ASAP1: variants seen among roughly 807,000 people sequenced by gnomAD.
The protein encoded by ASAP1 is arf-GAP with SH3 domain, ANK repeat and PH domain-containing protein 1.
Under a neutral mutation model 145.2 loss-of-function variants are expected in ASAP1, and 43 were observed. The observed-to-expected ratio is 0.30, with a 90% CI of 0.23 to 0.38. The LOEUF (loss-of-function observed/expected upper bound fraction) is 0.38, where lower values mean the gene tolerates loss of function less well. Ranked by LOEUF, ASAP1 falls within the 10% of genes least tolerant of loss-of-function variation. The pLI, the probability that ASAP1 is intolerant of heterozygous loss-of-function variation, is 1.00. For missense variants in ASAP1, 1,018 were observed against 1,355.3 expected (o/e 0.75, Z 3.91); for synonymous variants, 546 against 515.5 (o/e 1.06, Z -0.80).
intron 27 of ASAP1, among the ~76,000 whole-genome samples, chr8:130,074,514 T>A (rs1592742537): frequency 8.2e-6 from 1 of 122,214 alleles, no homozygotes; most frequent in African/African-American, 3.2e-5. Flanking sequence ...AGCAACGGGG[T>A]GGTGGTAGGA....
chr8:130,249,946 G>C (rs181883742), intron 3 of ASAP1, among the ~76,000 whole-genome samples: 4 of 151,860 alleles, frequency 2.6e-5, no homozygotes, highest in African/African-American at 9.7e-5. Context: ...TGAAAATCAC[G>C]TATTTTCAAA....
rs2097396740 is a variant in ASAP1, at chr8:130,053,204, T to C, written c.*1527A>G. ...GTTGGGAGTTGTGCTTCTGTGAAAT[T>C]AACATCTCTCACTCATTGCCAAGAT... On this transcript the variant is annotated 3_prime_UTR_variant, in exon 30 of 30. Coordinates refer to ENST00000518721, the MANE Select transcript of ASAP1 (RefSeq NM_018482.4). 6.6e-6 allele frequency: 1 copy of C among 152,210 alleles called. No individual in the cohort carries two copies. Among genetic ancestry groups the C allele is most frequent in the Non-Finnish European group, 1.5e-5 (1 of 68,020 alleles). The allele number at this position is 152,210 out of a possible 1,614,324, so 9.4% of individuals were successfully genotyped here. A position where few individuals can be genotyped will look rare whatever the true frequency, so the allele number is the denominator to read the frequency against.
intron 1 of ASAP1, among the ~76,000 whole-genome samples, chr8:130,428,738 C>T (rs1183789391): frequency 1.3e-5 from 2 of 150,484 alleles, no homozygotes; most frequent in Non-Finnish European, 3.0e-5. Context: ...CTACCAACAT[C>T]ACCACCATCA....
intron 3 of ASAP1, among the ~76,000 whole-genome samples, chr8:130,322,714 A>G (rs1217503624): frequency 6.6e-6 from 1 of 152,234 alleles, no homozygotes; most frequent in African/African-American, 2.4e-5. Flanking sequence ...GGGATTGTGA[A>G]GCATGTATAG....
At chr8:130,121,237 C>G (rs970542852) in intron 18 of ASAP1, among the ~76,000 whole-genome samples, 1 of 152,132 alleles carries the variant, frequency 6.6e-6, no homozygotes, top group African/African-American at 2.4e-5. Flanking sequence ...ACCCAGGCCC[C>G]GCCACACTCC....
intron 1 of ASAP1, among the ~76,000 whole-genome samples, chr8:130,423,680 T>C (rs1373651152): frequency 2.0e-5 from 3 of 152,232 alleles, no homozygotes; most frequent in South Asian, 2.1e-4. Flanking sequence ...ATGTGTAAGA[T>C]GTCACTGTTC....
chr8:130,316,479 T>C (rs938671273), intron 3 of ASAP1, among the ~76,000 whole-genome samples: 2 of 152,232 alleles, frequency 1.3e-5, no homozygotes, highest in South Asian at 2.1e-4. Context: ...CCAGAATATT[T>C]TGAAAATACA....
intron 4 of ASAP1, among the ~76,000 whole-genome samples, chr8:130,228,164 G>T (rs372085992): frequency 1.3e-5 from 2 of 152,270 alleles, no homozygotes; most frequent in African/African-American, 4.8e-5. Flanking sequence ...CGAAGGACTT[G>T]TTAAGAAATA....
At chr8:130,158,667 G>A (rs1189172832) in intron 12 of ASAP1, among the ~76,000 whole-genome samples, 1 of 152,174 alleles carries the variant, frequency 6.6e-6, no homozygotes, top group Non-Finnish European at 1.5e-5. Flanking sequence ...GGGACAGGAA[G>A]GCAGGGTTGA....
intron 3 of ASAP1, among the ~76,000 whole-genome samples, chr8:130,301,182 A>G (rs1822637997): frequency 6.6e-6 from 1 of 152,228 alleles, no homozygotes; most frequent in Non-Finnish European, 1.5e-5. Context: ...AGTGGCTGGC[A>G]TAACCCATTA....
At chr8:130,438,152 G>A (rs564322929) in intron 1 of ASAP1, among the ~76,000 whole-genome samples, 6 of 152,264 alleles carry the variant, frequency 3.9e-5, no homozygotes, top group South Asian at 4.1e-4. Context: ...TCAAGAAACC[G>A]TCTGTTTCTG....
Position 130,052,363 on chromosome 8 carries a change from C to T in ASAP1, c.*2368G>A, listed in dbSNP as rs1268952690. Reference sequence around the variant, plus strand: ...GTTCAACAGTAAAATAAGACACACACTATTTGCAGAACATAACTTTCCCCT... The same window carrying T: ...GTTCAACAGTAAAATAAGACACACATTATTTGCAGAACATAACTTTCCCCT... On this transcript the variant is annotated 3_prime_UTR_variant, in exon 30 of 30. Coordinates refer to ENST00000518721, the MANE Select transcript of ASAP1 (RefSeq NM_018482.4). The T allele has an allele frequency of 6.6e-6, 1 of 152,394 alleles. No individual in the cohort carries two copies. The highest frequency in any genetic ancestry group is 2.4e-5 in the African/African-American group (1 of 41,416). 9.4% of individuals were successfully genotyped at this position (152,394 alleles called of 1,614,324 possible).
chr8:130,344,793 A>G (rs1356603180), intron 3 of ASAP1, among the ~76,000 whole-genome samples: 1 of 152,184 alleles, frequency 6.6e-6, no homozygotes, highest in African/African-American at 2.4e-5. Flanking sequence ...TGCCCAAAGT[A>G]AAAAACCACT....
At chr8:130,325,794 G>C (rs921182301) in intron 3 of ASAP1, among the ~76,000 whole-genome samples, 10 of 152,256 alleles carry the variant, frequency 6.6e-5, no homozygotes, top group African/African-American at 2.4e-4. Flanking sequence ...TGTTGAGATA[G>C]ATGTTTTTGT....
chr8:130,256,833 T>C (rs1819599203), intron 3 of ASAP1, among the ~76,000 whole-genome samples: 1 of 144,276 alleles, frequency 6.9e-6, no homozygotes, highest in Non-Finnish European at 1.5e-5. Flanking sequence ...GATTGAGTTA[T>C]ACTATAAAGG....
intron 13 of ASAP1, among the ~76,000 whole-genome samples, chr8:130,151,666 C>T (rs1255647695): frequency 8.5e-5 from 13 of 152,238 alleles, no homozygotes; most frequent in Non-Finnish European, 1.3e-4. Context: ...GGACAACAAT[C>T]TTTAAGATGT....
At chr8:130,089,525 T>C (rs1239861665) in intron 25 of ASAP1, among the ~76,000 whole-genome samples, 1 of 152,182 alleles carries the variant, frequency 6.6e-6, no homozygotes, top group Non-Finnish European at 1.5e-5. Context: ...AGACGAAAGC[T>C]GCAGGCATCA....
At chr8:130,271,729 C>T (rs1165237558) in intron 3 of ASAP1, among the ~76,000 whole-genome samples, 1 of 152,116 alleles carries the variant, frequency 6.6e-6, no homozygotes, top group Non-Finnish European at 1.5e-5. Context: ...ACCAGGATTT[C>T]GTATCATTAG....
At chr8:130,235,947 G>A (rs117248197) in intron 4 of ASAP1, among the ~76,000 whole-genome samples, 1,693 of 152,190 alleles carry the variant, frequency 0.011, 11 homozygotes, top group Non-Finnish European at 0.018. Flanking sequence ...TTACAGATAT[G>A]AGATCATTAA....
Sources: gnomAD v4.1 joint callset for allele counts (sites outside exome capture counted in the v4.1 genomes callset) on GRCh38, gnomAD v4.1.1 for gene constraint, MANE v1.5 for transcripts, NCBI Gene and HGNC (gene_info 2026-07-23, HGNC 2026-07-21) for gene names.